The following MGAT5 variants were observed in gnomAD, a reference collection of about 807,000 sequenced individuals.
MGAT5 encodes the protein alpha-1,6-mannosylglycoprotein 6-beta-N-acetylglucosaminyltransferase, also known as alpha-1,6-mannosylglycoprotein 6-beta-N-acetylglucosaminyltransferase A.
Under a neutral mutation model 94.3 loss-of-function variants are expected in MGAT5, and 30 were observed. The ratio of observed to expected loss-of-function variants is 0.32; its 90% CI spans 0.24 to 0.43. The LOEUF (loss-of-function observed/expected upper bound fraction) is 0.43, where lower values mean the gene tolerates loss of function less well. Ranked by LOEUF, MGAT5 falls within the 20% of genes least tolerant of loss-of-function variation. The pLI, the probability that MGAT5 is intolerant of heterozygous loss-of-function variation, is 1.00. For synonymous variants in MGAT5, 310 were observed against 322.9 expected, an observed-to-expected ratio of 0.96 and a Z score of 0.43; for missense variants, 691 against 905.5, an observed-to-expected ratio of 0.76 and a Z score of 3.04.
At chr2:134,181,999 A>G (rs1037379595) in intron 1 of MGAT5, among the ~76,000 whole-genome samples, 1 of 152,234 alleles carries the variant, frequency 6.6e-6, no homozygotes, top group Admixed American at 6.5e-5. Context: ...TGTGATCACT[A>G]GGAGATTTTA....
chr2:134,409,911 G>T (rs1683550401), intron 11 of MGAT5, among the ~76,000 whole-genome samples: 1 of 152,152 alleles, frequency 6.6e-6, no homozygotes, highest in Non-Finnish European at 1.5e-5. Flanking sequence ...TTTAATCCTA[G>T]ATCCCACAAT....
chr2:134,265,099 AC>A (rs1401852812), intron 1 of MGAT5, among the ~76,000 whole-genome samples: 3 of 152,230 alleles, frequency 2.0e-5, no homozygotes, highest in African/African-American at 7.2e-5. Flanking sequence ...AGTCTGATGC[AC>A]AGCAGGGCTA....
At chr2:134,328,223 C>T (rs1464972196) in intron 4 of MGAT5, among the ~76,000 whole-genome samples, 1 of 151,942 alleles carries the variant, frequency 6.6e-6, no homozygotes, top group Non-Finnish European at 1.5e-5. Context: ...AATTCTGCAC[C>T]CCCCCTCACC....
At position 134,234,479 on chromosome 2, in the gene MGAT5, T is replaced by C. The variant is rs116124408; in HGVS notation, c.-142-19783T>C. Among the ~76,000 whole-genome samples the C allele has an allele frequency of 2.9e-3, 440 of 152,356 alleles. 3 individuals are homozygous for C. Among genetic ancestry groups the C allele is most frequent in the African/African-American group, 9.8e-3 (407 of 41,588 alleles). ...AGAATTATAAGACTATGGGGGTCCATACATAAGACACAGCAATGTGGCTCT... is the reference window on the plus strand; with the variant it reads ...AGAATTATAAGACTATGGGGGTCCACACATAAGACACAGCAATGTGGCTCT... On this transcript the variant is annotated intron_variant, in intron 1 of 16. Transcript: ENST00000409645.
chr2:134,143,714 T>C (rs1573735330), intron 1 of MGAT5, among the ~76,000 whole-genome samples: 1 of 152,182 alleles, frequency 6.6e-6, no homozygotes, highest in African/African-American at 2.4e-5. Context: ...TCCTAGTTAC[T>C]GTGTTAGAAG....
chr2:134,123,046 C>T (rs1685688706), intron 1 of MGAT5, among the ~76,000 whole-genome samples: 2 of 152,220 alleles, frequency 1.3e-5, no homozygotes, highest in African/African-American at 4.8e-5. Context: ...TATGTACATG[C>T]ATATGCCATG....
At chr2:134,376,719 A>G (rs1013625298) in intron 10 of MGAT5, among the ~76,000 whole-genome samples, 3 of 152,198 alleles carry the variant, frequency 2.0e-5, no homozygotes, top group African/African-American at 7.2e-5. Flanking sequence ...CTAGCAGGCC[A>G]ATCTTTATTT....
intron 2 of MGAT5, among the ~76,000 whole-genome samples, chr2:134,310,070 C>T (rs1686558982): frequency 2.6e-5 from 4 of 152,228 alleles, no homozygotes; most frequent in Middle Eastern, 3.4e-3. Context: ...CATATATATA[C>T]ACTGAATTTG....
rs920685167 is a variant in MGAT5, at chr2:134,194,442, C to A, written c.-142-59820C>A. 3.9e-5 allele frequency among the ~76,000 whole-genome samples: 6 copies of A among 152,236 alleles called. No homozygotes were observed. In the South Asian group the frequency reaches 6.2e-4, roughly 16 times the overall value. On this transcript the variant is annotated intron_variant, in intron 1 of 16. Transcript: ENST00000409645. ...TATTCTTGATCCTTTATTCTTACTA[C>A]AACCTTGGACAGTTACAAGGGGGCG...
At chr2:134,217,427 G>C (rs776667091) in intron 1 of MGAT5, among the ~76,000 whole-genome samples, 13 of 152,100 alleles carry the variant, frequency 8.5e-5, no homozygotes, top group Non-Finnish European at 1.8e-4. Flanking sequence ...TGAAACTGAG[G>C]CTCACGGGGC....
intron 4 of MGAT5, among the ~76,000 whole-genome samples, chr2:134,321,469 G>T (rs1687314702): frequency 6.6e-6 from 1 of 152,104 alleles, no homozygotes; most frequent in African/African-American, 2.4e-5. Flanking sequence ...CCCTCCCTTT[G>T]TCACACTTCA....
At chr2:134,429,750 C>G (rs1373652920) in intron 14 of MGAT5, among the ~76,000 whole-genome samples, 5 of 152,200 alleles carry the variant, frequency 3.3e-5, no homozygotes, top group Admixed American at 3.3e-4. Context: ...TTATCTCATT[C>G]AGCCTTTATA....
intron 12 of MGAT5, among the ~76,000 whole-genome samples, chr2:134,414,436 AC>A (rs1208514052): frequency 1.3e-5 from 2 of 152,054 alleles, no homozygotes; most frequent in Non-Finnish European, 2.9e-5. Flanking sequence ...CTTCTTTGAA[AC>A]TTTGGAGTTT....
intron 1 of MGAT5, among the ~76,000 whole-genome samples, chr2:134,205,460 G>C (rs113603654): frequency 0.01 from 1,570 of 152,232 alleles, 32 homozygotes; most frequent in African/African-American, 0.036. Flanking sequence ...GGGTGGGAAG[G>C]AGTGAAGAGA....
At chr2:134,371,335 GTCATGCTTTCAGTC>G (rs1558833008) in intron 10 of MGAT5, among the ~76,000 whole-genome samples, 1 of 152,216 alleles carries the variant, frequency 6.6e-6, no homozygotes, top group Non-Finnish European at 1.5e-5. Flanking sequence ...TCCAGGCCAA[GTCATGCTTTCAGTC>G]TCCTGTTTAA....
intron 6 of MGAT5, among the ~76,000 whole-genome samples, chr2:134,340,799 A>G (rs1688577736): frequency 6.6e-6 from 1 of 152,200 alleles, no homozygotes; most frequent in Admixed American, 6.5e-5. Flanking sequence ...CAGGACTGCT[A>G]ACATCCCAAG....
chr2:134,440,267 A>G (rs1056298763), intron 14 of MGAT5, among the ~76,000 whole-genome samples: 1 of 152,216 alleles, frequency 6.6e-6, no homozygotes, highest in Non-Finnish European at 1.5e-5. Flanking sequence ...GTTCTTGAAT[A>G]TACGAAATGT....
chr2:134,286,778 G>A (rs985005038), intron 2 of MGAT5, among the ~76,000 whole-genome samples: 1 of 152,122 alleles, frequency 6.6e-6, no homozygotes, highest in East Asian at 1.9e-4. Context: ...TGATACATTC[G>A]TTGCATATAA....
At chr2:134,388,533 A>AT (rs1388142090) in intron 10 of MGAT5, among the ~76,000 whole-genome samples, 2 of 152,082 alleles carry the variant, frequency 1.3e-5, no homozygotes, top group East Asian at 1.9e-4. Context: ...GATTGTCTCG[A>AT]TTTTTTCATT....
Sources: allele counts gnomAD v4.1 joint callset (sites outside exome capture counted in the v4.1 genomes callset), GRCh38; gene constraint gnomAD v4.1.1; transcripts MANE v1.5; gene names NCBI Gene and HGNC (gene_info 2026-07-23, HGNC 2026-07-21).